Variants in NRG3 observed in about 807,000 individuals in gnomAD.
NRG3 encodes the protein neuregulin 3.
Under a neutral mutation model 66.9 loss-of-function variants are expected in NRG3, and 31 were observed. The ratio of observed to expected loss-of-function variants is 0.46; its 90% CI spans 0.35 to 0.63. The LOEUF (loss-of-function observed/expected upper bound fraction) is 0.63, where lower values mean the gene tolerates loss of function less well. Ranked by LOEUF, NRG3 falls within the 20% of genes least tolerant of loss-of-function variation. The probability of loss-of-function intolerance (pLI) is 0.00; values close to 1 mark genes in which losing one functional copy is unlikely to be tolerated. For synonymous variants in NRG3, 393 were observed against 359.4 expected (o/e 1.09, Z -1.06); for missense variants, 910 against 878.9 (o/e 1.04, Z -0.45).
chr10:82,199,683 G>A (rs557230495), intron 1 of NRG3, among the ~76,000 whole-genome samples: 1 of 152,072 alleles, frequency 6.6e-6, no homozygotes, highest in Non-Finnish European at 1.5e-5. Context: ...TACTTGGTAG[G>A]TTAGCACCTG....
intron 2 of NRG3, among the ~76,000 whole-genome samples, chr10:82,623,213 C>CTTCGGGA (rs1565137951): frequency 3.9e-5 from 6 of 152,116 alleles, no homozygotes; most frequent in Non-Finnish European, 7.4e-5. Context: ...TGGGACACTT[C>CTTCGGGA]GTTTTAAACT....
chr10:82,386,505 G>T (rs1043268391), intron 2 of NRG3, among the ~76,000 whole-genome samples: 2 of 152,164 alleles, frequency 1.3e-5, no homozygotes, highest in Admixed American at 6.6e-5. Flanking sequence ...TTAAGGTATG[G>T]ACAAGAGTCT....
chr10:81,892,339 T>C (rs1843097990), intron 1 of NRG3, among the ~76,000 whole-genome samples: 1 of 152,060 alleles, frequency 6.6e-6, no homozygotes, highest in African/African-American at 2.4e-5. Flanking sequence ...AATAAGGGTA[T>C]GAGGAGCCCT....
intron 1 of NRG3, among the ~76,000 whole-genome samples, chr10:81,989,905 G>T (rs1480118681): frequency 1.3e-5 from 2 of 152,140 alleles, no homozygotes; most frequent in Non-Finnish European, 2.9e-5. Flanking sequence ...AATCTGTCCA[G>T]AAGGTTGACT....
intron 2 of NRG3, among the ~76,000 whole-genome samples, chr10:82,558,677 A>G (rs2044813592): frequency 6.6e-6 from 1 of 152,210 alleles, no homozygotes; most frequent in Admixed American, 6.5e-5. Context: ...AAAGACGTCA[A>G]ATTCGCATTT....
intron 1 of NRG3, among the ~76,000 whole-genome samples, chr10:82,011,358 C>T (rs551185860): frequency 1.3e-5 from 2 of 152,226 alleles, no homozygotes; most frequent in South Asian, 4.1e-4. Context: ...CCATCTGGCC[C>T]CACCCTTGAC....
intron 4 of NRG3, among the ~76,000 whole-genome samples, chr10:82,918,849 A>G (rs979400026): frequency 1.3e-5 from 2 of 152,168 alleles, no homozygotes; most frequent in Admixed American, 6.6e-5. Flanking sequence ...ATTTTTTTAG[A>G]TTAAAAGGAG....
At chr10:81,950,352 C>T (rs1305318966) in intron 1 of NRG3, among the ~76,000 whole-genome samples, 1 of 152,170 alleles carries the variant, frequency 6.6e-6, no homozygotes, top group Non-Finnish European at 1.5e-5. Flanking sequence ...TGTGCCAGAG[C>T]ATCCTTTAAG....
chr10:81,905,317 C>T (rs1844489227), intron 1 of NRG3, among the ~76,000 whole-genome samples: 1 of 152,122 alleles, frequency 6.6e-6, no homozygotes, highest in South Asian at 2.1e-4. Context: ...TCCCACTCTC[C>T]AGGTTTCCCA....
chr10:82,585,537 C>G (rs1438942237), intron 2 of NRG3, among the ~76,000 whole-genome samples: 1 of 152,276 alleles, frequency 6.6e-6, no homozygotes, highest in South Asian at 2.1e-4. Flanking sequence ...CCACCCACCC[C>G]TCTTCTCCGG....
At chr10:82,442,949 G>C (rs974899965) in intron 2 of NRG3, among the ~76,000 whole-genome samples, 1 of 151,914 alleles carries the variant, frequency 6.6e-6, no homozygotes, top group Non-Finnish European at 1.5e-5. Context: ...CTCAGTATGT[G>C]TCTTTCCTTA....
chr10:82,904,205 T>C (rs1844502112), intron 4 of NRG3, among the ~76,000 whole-genome samples: 2 of 152,120 alleles, frequency 1.3e-5, no homozygotes, highest in South Asian at 2.1e-4. Flanking sequence ...ATGAGTCTTT[T>C]TGTGATTTTT....
At chr10:82,365,011 A>G (rs1261417072) in intron 2 of NRG3, among the ~76,000 whole-genome samples, 2 of 152,154 alleles carry the variant, frequency 1.3e-5, no homozygotes, top group African/African-American at 4.8e-5. Context: ...TAGGTTTTGA[A>G]ATAAAAGCTT....
At position 82,604,197 on chromosome 10, in the gene NRG3, C is replaced by T. The variant is rs555228777; in HGVS notation, c.954-134380C>T. Among the ~76,000 whole-genome samples the T allele has an allele frequency of 8.5e-5, 13 of 152,180 alleles. No individual in the cohort carries two copies. In the South Asian group the frequency reaches 2.5e-3, roughly 29 times the overall value. ...AATCCCTTTTGTTCCACCTATTCAT[C>T]CCTCTCTCCTTCCCCCTGAACCCTT... On this transcript the variant is annotated intron_variant, in intron 2 of 8. Transcript: ENST00000372141.
chr10:82,504,362 C>T (rs1844479177), intron 2 of NRG3, among the ~76,000 whole-genome samples: 1 of 152,200 alleles, frequency 6.6e-6, no homozygotes, highest in African/African-American at 2.4e-5. Context: ...CCCTTTTCCT[C>T]AGCATAGCAT....
chr10:82,102,003 GTATA>G (rs142461785), intron 1 of NRG3, among the ~76,000 whole-genome samples: 1 of 129,214 alleles, frequency 7.7e-6, no homozygotes, highest in Admixed American at 7.8e-5. Flanking sequence ...ATATGTGTGC[GTATA>G]TATATATATA....
chr10:82,075,371 A>C (rs992238417), intron 1 of NRG3, among the ~76,000 whole-genome samples: 2 of 152,140 alleles, frequency 1.3e-5, no homozygotes, highest in African/African-American at 4.8e-5. Context: ...TTTTGTGATC[A>C]TTTTGGGAAA....
At chr10:82,595,692 G>A (rs1268580543) in intron 2 of NRG3, among the ~76,000 whole-genome samples, 1 of 152,052 alleles carries the variant, frequency 6.6e-6, no homozygotes, top group African/African-American at 2.4e-5. Context: ...GGTTGAGGCA[G>A]GAGAGTCGCT....
chr10:82,929,931 A>G (rs1847399267), intron 4 of NRG3, among the ~76,000 whole-genome samples: 1 of 151,994 alleles, frequency 6.6e-6, no homozygotes, highest in Admixed American at 6.6e-5. Flanking sequence ...ATACAACACA[A>G]AGAGGGATTT....
Sources: allele counts gnomAD v4.1 joint callset (sites outside exome capture counted in the v4.1 genomes callset), GRCh38; gene constraint gnomAD v4.1.1; transcripts MANE v1.5; gene names NCBI Gene and HGNC (gene_info 2026-07-23, HGNC 2026-07-21).